Variants in SFI1 observed in about 807,000 individuals in gnomAD.
SFI1 encodes the protein SFI1 centrin binding protein.
A neutral mutation model predicts 207.5 loss-of-function variants in SFI1; 195 were observed. The observed-to-expected ratio is 0.94, with a 90% CI of 0.84 to 1.06. SFI1 has a LOEUF of 1.06. SFI1 is among the 50% of genes least tolerant of loss of function. SFI1 has a pLI of 0.00. For synonymous variants in SFI1, 630 were observed against 598.9 expected, an observed-to-expected ratio of 1.05 and a Z score of -0.76; for missense variants, 1,634 against 1,588.0, an observed-to-expected ratio of 1.03 and a Z score of -0.49.
chr22:31,527,251 A>G (rs1237314134), intron 2 of SFI1, among the ~76,000 whole-genome samples: 2 of 152,046 alleles, frequency 1.3e-5, no homozygotes, highest in Non-Finnish European at 2.9e-5. Flanking sequence ...GGCTGTTGTG[A>G]TTAATGCTTC....
At chr22:31,574,246 T>G (rs2063245144) in intron 9 of SFI1, among the ~76,000 whole-genome samples, 1 of 152,208 alleles carries the variant, frequency 6.6e-6, no homozygotes, top group Non-Finnish European at 1.5e-5. Context: ...TGGGAGAGTT[T>G]GAATATGTTC....
At chr22:31,583,481 C>T (rs1157645020) in intron 12 of SFI1, among the ~76,000 whole-genome samples, 1 of 152,140 alleles carries the variant, frequency 6.6e-6, no homozygotes, top group Non-Finnish European at 1.5e-5. Context: ...TTTAATTTTC[C>T]TTTAGTCTAC....
chr22:31,588,464 A>G (rs1243532232), intron 14 of SFI1, among the ~76,000 whole-genome samples: 2 of 152,226 alleles, frequency 1.3e-5, no homozygotes, highest in Non-Finnish European at 2.9e-5. Context: ...GGGAGGGAAC[A>G]TAGATCACTT....
At chr22:31,562,319 T>A (rs772611970) in intron 8 of SFI1, among the ~76,000 whole-genome samples, 1 of 152,116 alleles carries the variant, frequency 6.6e-6, no homozygotes, top group Middle Eastern at 3.4e-3. Context: ...ACCTCTGAAC[T>A]TGTAAGGTCT....
intron 29 of SFI1, 91 bp downstream of exon 29, chr22:31,615,370 G>A (rs1461492090): frequency 4.9e-6 from 6 of 1,230,280 alleles, no homozygotes; most frequent in African/African-American, 1.5e-5. Context: ...ACTAGTTTCT[G>A]GAAAACCTTG....
chr22:31,602,134 TTA>T, intron 15 of SFI1, 76 bp from the exon 16 acceptor site: 1 of 1,236,118 alleles, frequency 8.1e-7, no homozygotes, highest in Admixed American at 1.7e-5. Context: ...AAAAATCCAA[TTA>T]TTTGGAACTT....
Position 31,575,360 on chromosome 22 carries a change from CCCT to C in SFI1, c.1053_1055del (p.Leu352del). On this transcript the variant is annotated inframe_deletion, in exon 10 of 33. Transcript: ENST00000400288. The stretch of plus-strand genomic sequence containing the variant: ...GTGGAGAAACTGGCCAGGAAGATGG[CCCT>C]GCGGCGCGCCTTTACTCACTGGAAA... The C allele has an allele frequency of 3.1e-6, 5 of 1,611,560 alleles. No individual in the cohort carries two copies. The highest frequency in any genetic ancestry group is 4.2e-6 in the Non-Finnish European group (5 of 1,179,112).
chr22:31,562,091 A>C lies in SFI1; in HGVS notation c.765+699A>C, dbSNP rs2061770005. Among the ~76,000 whole-genome samples, 2 of 152,252 alleles carry C rather than the reference A, an allele frequency of 1.3e-5. 1 individual carries two copies. Among genetic ancestry groups the C allele is most frequent in the South Asian group, 4.1e-4 (2 of 4,834 alleles). On this transcript the variant is annotated intron_variant, in intron 8 of 32. Transcript: ENST00000400288. ...ATGCAAATAGCATATATAGTCATCTAGATCAGTGATCAGCAAACTGGCTCA... is the reference window on the plus strand; with the variant it reads ...ATGCAAATAGCATATATAGTCATCTCGATCAGTGATCAGCAAACTGGCTCA...
Position 31,596,443 on chromosome 22 carries a change from A to G in SFI1, c.1545-5769A>G, listed in dbSNP as rs146586699. ...TGTCTCTTCTGGCTTCTGCAGACAG[A>G]GCAGCTTTGCCTTTACCTAGTCATG... On this transcript the variant is annotated intron_variant, in intron 15 of 32. Coordinates refer to ENST00000400288, the MANE Select transcript of SFI1 (RefSeq NM_001007467.3). Among the ~76,000 whole-genome samples the G allele has an allele frequency of 7.8e-4, 119 of 152,208 alleles. 1 individual carries two copies. The highest frequency in any genetic ancestry group is 1.3e-3 in the Non-Finnish European group (89 of 68,020).
At position 31,604,270 on chromosome 22, in the gene SFI1, A is replaced by T; in HGVS notation, c.1882-39A>T. 2.6e-6 allele frequency: 4 copies of T among 1,523,528 alleles called. No homozygotes were observed. In the South Asian group the frequency reaches 4.8e-5, roughly 18 times the overall value. The allele number at this position is 1,523,528 out of a possible 1,614,324, so 94.4% of individuals were successfully genotyped here. A position where few individuals can be genotyped will look rare whatever the true frequency, so the allele number is the denominator to read the frequency against. ...AAGCAGGAAGCCACCCCCAACTCAG[A>T]CCCCAGCCCACGGTAGCTGCTTTCT... On this transcript the variant is annotated intron_variant, in intron 18 of 32. Transcript: ENST00000400288.
intron 5 of SFI1, among the ~76,000 whole-genome samples, chr22:31,548,510 G>T (rs1333998141): frequency 6.6e-6 from 1 of 152,022 alleles, no homozygotes; most frequent in Non-Finnish European, 1.5e-5. Flanking sequence ...GGGCATGGCG[G>T]CATGCGCCTG....
At chr22:31,585,710 C>G (rs2064945818) in intron 14 of SFI1, among the ~76,000 whole-genome samples, 1 of 152,144 alleles carries the variant, frequency 6.6e-6, no homozygotes, top group Non-Finnish European at 1.5e-5. Flanking sequence ...TACTTTAGCA[C>G]CAGGGTGACA....
At chr22:31,611,879 C>T (rs1290194428) in intron 24 of SFI1, 39 bp downstream of exon 24, 2 of 1,611,094 alleles carry the variant, frequency 1.2e-6, no homozygotes, top group Non-Finnish European at 1.7e-6. Flanking sequence ...ACTTCCTTCT[C>T]CATCCTCTGG....
intron 12 of SFI1, among the ~76,000 whole-genome samples, chr22:31,581,844 C>T (rs5998048): frequency 4.5e-4 from 69 of 152,090 alleles, no homozygotes; most frequent in African/African-American, 1.6e-3. Context: ...ATGTTTGCCT[C>T]ATTGTTTTTT....
chr22:31,525,154 A>C (rs1179312556), intron 2 of SFI1, among the ~76,000 whole-genome samples: 3 of 152,102 alleles, frequency 2.0e-5, no homozygotes, highest in African/African-American at 7.2e-5. Context: ...GCTGAGCAGA[A>C]GTTTTTGAGA....
At chr22:31,525,539 G>A (rs945826685) in intron 2 of SFI1, among the ~76,000 whole-genome samples, 4 of 152,076 alleles carry the variant, frequency 2.6e-5, no homozygotes, top group Non-Finnish European at 2.9e-5. Context: ...ACCATCCTGC[G>A]CATGTGGCAA....
rs1361339035 is a variant in SFI1, at chr22:31,508,296, GCTCA to G, written c.15_18del (p.Thr6ArgfsTer13). On this transcript the variant is annotated frameshift_variant, in exon 2 of 33. Coordinates refer to ENST00000400288, the MANE Select transcript of SFI1 (RefSeq NM_001007467.3). LOFTEE classifies it high-confidence loss of function. ...AAAGACTTTGATTCATGAAGAATCT[GCTCA>G]CTGAGAAGTGTATATCAAGCCACAA... 1 of 1,610,280 alleles carries G rather than the reference GCTCA, an allele frequency of 6.2e-7. No homozygotes were observed. The highest frequency in any genetic ancestry group is 8.5e-7 in the Non-Finnish European group (1 of 1,177,070).
At chr22:31,506,049 CTT>C (rs1164240180) in intron 1 of SFI1, among the ~76,000 whole-genome samples, 5 of 138,304 alleles carry the variant, frequency 3.6e-5, no homozygotes, top group Non-Finnish European at 4.7e-5. Context: ...GAAATCCTGT[CTT>C]TTTTTTTTTT....
intron 13 of SFI1, 94 bp from the exon 14 acceptor site, chr22:31,584,972 CTT>C (rs761378602): frequency 2.4e-4 from 234 of 981,104 alleles, no homozygotes; most frequent in East Asian, 1.9e-3. Flanking sequence ...CATGGGGTGC[CTT>C]TAACTCACAG....
Sources: allele counts gnomAD v4.1 joint callset (sites outside exome capture counted in the v4.1 genomes callset), GRCh38; gene constraint gnomAD v4.1.1; transcripts MANE v1.5; gene names NCBI Gene and HGNC (gene_info 2026-07-23, HGNC 2026-07-21).